The following KCNH8 variants were observed in gnomAD, a reference collection of about 807,000 sequenced individuals.
KCNH8 encodes potassium voltage-gated channel subfamily H member 8, also known as voltage-gated delayed rectifier potassium channel KCNH8.
KCNH8 carries 70 observed loss-of-function variants against 103.6 expected under a neutral mutation model. The observed-to-expected ratio is 0.68, with a 90% confidence interval of 0.56 to 0.82. The LOEUF is 0.82. Among genes scored for constraint, KCNH8 ranks in the 40% least tolerant of loss-of-function variants. The probability of loss-of-function intolerance (pLI) is 0.00; values close to 1 mark genes in which losing one functional copy is unlikely to be tolerated. For missense variants in KCNH8, 1,217 were observed against 1,329.9 expected, an observed-to-expected ratio of 0.92 and a Z score of 1.32; for synonymous variants, 498 against 489.4, an observed-to-expected ratio of 1.02 and a Z score of -0.23.
chr3:19,254,283 CCA>C (rs1392726234), intron 2 of KCNH8, among the ~76,000 whole-genome samples: 1 of 151,878 alleles, frequency 6.6e-6, no homozygotes, highest in Non-Finnish European at 1.5e-5. Context: ...CATCTCAATT[CCA>C]GTCATTAAAG....
intron 3 of KCNH8, among the ~76,000 whole-genome samples, chr3:19,286,991 T>G (rs1370201502): frequency 6.6e-6 from 1 of 152,080 alleles, no homozygotes; most frequent in Non-Finnish European, 1.5e-5. Context: ...TTGGGTCTAC[T>G]GTTTGAGGTT....
At chr3:19,168,153 G>A (rs372340242) in intron 1 of KCNH8, among the ~76,000 whole-genome samples, 1 of 151,912 alleles carries the variant, frequency 6.6e-6, no homozygotes, top group South Asian at 2.1e-4. Context: ...GGGATTACAG[G>A]TGCCTGCCGC....
At chr3:19,450,449 C>A in intron 9 of KCNH8, 144 bp downstream of exon 9, 1 of 691,606 alleles carries the variant, frequency 1.4e-6, no homozygotes, top group Non-Finnish European at 2.5e-6. Context: ...GAATCCCAAT[C>A]CATCTTCTTT....
intron 5 of KCNH8, among the ~76,000 whole-genome samples, chr3:19,349,726 A>T (rs2065774281): frequency 6.6e-6 from 1 of 152,112 alleles, no homozygotes; most frequent in Non-Finnish European, 1.5e-5. Flanking sequence ...GAGATATTTT[A>T]AAAGTTTTTG....
At position 19,395,257 on chromosome 3, in the gene KCNH8, T is replaced by C. The variant is rs1344294641; in HGVS notation, c.1123T>C (p.Tyr375His). The C allele has an allele frequency of 6.2e-7, 1 of 1,611,206 alleles. No individual in the cohort carries two copies. Among genetic ancestry groups the C allele is most frequent in the Non-Finnish European group, 8.5e-7 (1 of 1,178,658 alleles). ...LLAHWMACIW[Y>H]VIGKMEREDN... Reference sequence around the variant, plus strand: ...TGCACACTGGATGGCGTGTATCTGGTACGTCATTGGAAAAATGGAGAGGGA... The same window carrying C: ...TGCACACTGGATGGCGTGTATCTGGCACGTCATTGGAAAAATGGAGAGGGA... Residue 375 changes from tyrosine to histidine, a missense_variant, in exon 7 of 16, where the codon TAC becomes CAC. Transcript: ENST00000328405.
At chr3:19,339,186 A>G (rs2065624818) in intron 3 of KCNH8, among the ~76,000 whole-genome samples, 1 of 152,080 alleles carries the variant, frequency 6.6e-6, no homozygotes, top group Admixed American at 6.6e-5. Flanking sequence ...CTTCCCTTTG[A>G]GGGGACCTTT....
At chr3:19,485,164 C>T (rs2068179138) in intron 11 of KCNH8, among the ~76,000 whole-genome samples, 1 of 152,106 alleles carries the variant, frequency 6.6e-6, no homozygotes, top group Non-Finnish European at 1.5e-5. Flanking sequence ...TTACCTGAGC[C>T]GATTCGTAAG....
chr3:19,518,167 C>T (rs2068908128), intron 15 of KCNH8, 93 bp downstream of exon 15: 2 of 940,720 alleles, frequency 2.1e-6, no homozygotes, highest in East Asian at 2.5e-5. Flanking sequence ...TAGTTACAAG[C>T]ATGCATTCCA....
chr3:19,193,562 A>G (rs1436451884), intron 1 of KCNH8, among the ~76,000 whole-genome samples: 1 of 151,716 alleles, frequency 6.6e-6, no homozygotes, highest in African/African-American at 2.4e-5. Context: ...CAGATGAGAA[A>G]GGTATAAAAA....
chr3:19,227,177 G>A (rs2063941963), intron 1 of KCNH8, among the ~76,000 whole-genome samples: 1 of 152,186 alleles, frequency 6.6e-6, no homozygotes, highest in African/African-American at 2.4e-5. Flanking sequence ...TTGAAAACCA[G>A]ACAAGACATC....
intron 11 of KCNH8, among the ~76,000 whole-genome samples, chr3:19,491,440 G>C (rs560759563): frequency 6.6e-6 from 1 of 152,252 alleles, no homozygotes; most frequent in African/African-American, 2.4e-5. Flanking sequence ...TTAGTTTTCT[G>C]TCCCCCATTA....
At chr3:19,155,409 C>T (rs570014051) in intron 1 of KCNH8, among the ~76,000 whole-genome samples, 159 of 152,226 alleles carry the variant, frequency 1.0e-3, no homozygotes, top group Middle Eastern at 6.8e-3. Context: ...TCTAACTAGA[C>T]CCCTGTGACC....
In KCNH8 at chr3:19,162,404, G is replaced by T. The variant is rs577461631; in HGVS notation, c.76+13609G>T. Among the ~76,000 whole-genome samples the T allele has an allele frequency of 4.2e-4, 64 of 151,656 alleles. 1 individual carries two copies. The South Asian group carries it at 8.2e-3, about 19-fold the overall frequency. ...TCTGGGCATGGTGGTGCATGTCTGT[G>T]GCTGACGCATGGGAATCACTTGATC... On this transcript the variant is annotated intron_variant, in intron 1 of 15. Transcript: ENST00000328405.
At chr3:19,468,491 C>T (rs1212657023) in intron 11 of KCNH8, among the ~76,000 whole-genome samples, 1 of 152,066 alleles carries the variant, frequency 6.6e-6, no homozygotes, top group South Asian at 2.1e-4. Flanking sequence ...ATTGAAAGAA[C>T]GGCTAAATTG....
chr3:19,335,019 A>C (rs2065562826), intron 3 of KCNH8, among the ~76,000 whole-genome samples: 1 of 151,844 alleles, frequency 6.6e-6, no homozygotes, highest in African/African-American at 2.4e-5. Context: ...ATTTTCCATA[A>C]TGAGTTTAAA....
chr3:19,270,787 C>T (rs904602086), intron 2 of KCNH8, among the ~76,000 whole-genome samples: 2 of 152,120 alleles, frequency 1.3e-5, no homozygotes, highest in Non-Finnish European at 2.9e-5. Context: ...TGCTAAATTG[C>T]CACCTAAAAC....
intron 5 of KCNH8, among the ~76,000 whole-genome samples, chr3:19,352,790 T>C (rs372035582): frequency 2.6e-5 from 4 of 152,124 alleles, no homozygotes; most frequent in Non-Finnish European, 4.4e-5. Context: ...AGGAAAGATC[T>C]AAAATTGACA....
intron 3 of KCNH8, among the ~76,000 whole-genome samples, chr3:19,326,358 T>A (rs1280050575): frequency 1.9e-5 from 1 of 53,306 alleles, no homozygotes; most frequent in East Asian, 2.3e-4. Flanking sequence ...GAAAGTTAAA[T>A]ATATATATAT....
intron 7 of KCNH8, among the ~76,000 whole-genome samples, chr3:19,415,624 C>G (rs914265952): frequency 7.2e-5 from 11 of 151,920 alleles, no homozygotes; most frequent in African/African-American, 2.7e-4. Context: ...ACGAATTCCT[C>G]CAGGTAAGAT....
Sources: gnomAD v4.1 joint callset for allele counts (sites outside exome capture counted in the v4.1 genomes callset) on GRCh38, gnomAD v4.1.1 for gene constraint, MANE v1.5 for transcripts, NCBI Gene and HGNC (gene_info 2026-07-23, HGNC 2026-07-21) for gene names.